C8orf34: variants seen among roughly 807,000 people sequenced by gnomAD.
C8orf34 encodes chromosome 8 open reading frame 34.
A neutral mutation model predicts 68.3 loss-of-function variants in C8orf34; 65 were observed. That is an observed-to-expected ratio of 0.95 (90% confidence interval 0.78 to 1.17). The LOEUF is 1.17. Among genes scored for constraint, C8orf34 ranks in the 50% most tolerant of loss-of-function variants. C8orf34 has a pLI of 0.00. For synonymous variants in C8orf34, 244 were observed against 241.2 expected (o/e 1.01, Z -0.11); for missense variants, 664 against 655.4 (o/e 1.01, Z -0.14).
chr8:68,487,779 G>A (rs953878626), intron 4 of C8orf34, among the ~76,000 whole-genome samples: 2 of 152,148 alleles, frequency 1.3e-5, no homozygotes, highest in Non-Finnish European at 2.9e-5. Flanking sequence ...GGAATATGGC[G>A]CTGCTTTGTT....
intron 10 of C8orf34, among the ~76,000 whole-genome samples, chr8:68,752,992 G>T (rs1449280706): frequency 6.6e-6 from 1 of 152,060 alleles, no homozygotes; most frequent in Non-Finnish European, 1.5e-5. Context: ...GAATCGTATG[G>T]TTCTAATTTC....
intron 1 of C8orf34, among the ~76,000 whole-genome samples, chr8:68,435,633 A>G (rs1810631576): frequency 6.6e-6 from 1 of 152,138 alleles, no homozygotes; most frequent in African/African-American, 2.4e-5. Context: ...AACTCCGAAG[A>G]TTAGTATTTT....
intron 3 of C8orf34, among the ~76,000 whole-genome samples, chr8:68,465,941 TA>T (rs1488357032): frequency 6.8e-6 from 1 of 147,780 alleles, no homozygotes; most frequent in Non-Finnish European, 1.5e-5. Flanking sequence ...CCCTAAAACT[TA>T]AAGTATAATA....
chr8:68,709,351 C>T (rs1301436320), intron 9 of C8orf34, among the ~76,000 whole-genome samples: 5 of 152,086 alleles, frequency 3.3e-5, no homozygotes, highest in Non-Finnish European at 1.5e-5. Context: ...TTGGCTACTC[C>T]CTAAACTATG....
intron 3 of C8orf34, among the ~76,000 whole-genome samples, chr8:68,459,902 C>T (rs992999224): frequency 5.3e-5 from 8 of 152,092 alleles, no homozygotes; most frequent in South Asian, 2.1e-4. Flanking sequence ...TCAGAGGTAC[C>T]GGGTTCACCT....
At chr8:68,659,739 C>T (rs763635121) in intron 8 of C8orf34, among the ~76,000 whole-genome samples, 32 of 152,072 alleles carry the variant, frequency 2.1e-4, no homozygotes, top group Non-Finnish European at 4.1e-4. Flanking sequence ...CAGTCCACTC[C>T]ATTAACTCTA....
intron 7 of C8orf34, among the ~76,000 whole-genome samples, chr8:68,555,942 G>T (rs1586368203): frequency 1.3e-5 from 2 of 152,120 alleles, no homozygotes; most frequent in African/African-American, 4.8e-5. Context: ...GGGCAACTTT[G>T]TTTGAGTTTC....
intron 8 of C8orf34, among the ~76,000 whole-genome samples, chr8:68,675,367 G>T (rs374931236): frequency 1.3e-5 from 2 of 152,030 alleles, no homozygotes; most frequent in East Asian, 3.9e-4. Flanking sequence ...AACTTTTCAA[G>T]ACAGACAGTA....
intron 11 of C8orf34, among the ~76,000 whole-genome samples, chr8:68,785,477 T>C (rs1823819419): frequency 6.6e-6 from 1 of 152,182 alleles, no homozygotes; most frequent in African/African-American, 2.4e-5. Flanking sequence ...CGTACTCCTA[T>C]GGAAAGCAAG....
chr8:68,692,629 C>T (rs1820718570), intron 8 of C8orf34, among the ~76,000 whole-genome samples: 1 of 152,014 alleles, frequency 6.6e-6, no homozygotes, highest in Admixed American at 6.6e-5. Flanking sequence ...GGTAAAGGCT[C>T]ATAAGTAAAA....
intron 7 of C8orf34, among the ~76,000 whole-genome samples, chr8:68,632,737 C>G (rs887186085): frequency 6.6e-5 from 10 of 152,144 alleles, no homozygotes; most frequent in African/African-American, 2.4e-4. Context: ...CCAGCTCCAG[C>G]CGTGGCTAAA....
intron 1 of C8orf34, among the ~76,000 whole-genome samples, chr8:68,367,931 A>AAAG (rs1807377357): frequency 1.4e-5 from 2 of 145,620 alleles, no homozygotes; most frequent in Non-Finnish European, 3.0e-5. Flanking sequence ...AAAAAAAAAA[A>AAAG]AAAAAAGAAA....
chr8:68,590,020 A>T (rs1817338178), intron 7 of C8orf34, among the ~76,000 whole-genome samples: 1 of 151,032 alleles, frequency 6.6e-6, no homozygotes, highest in Non-Finnish European at 1.5e-5. Context: ...AATTTTTAAA[A>T]AAGGATGAGG....
intron 1 of C8orf34, among the ~76,000 whole-genome samples, chr8:68,428,713 G>C (rs1348539222): frequency 6.6e-6 from 1 of 152,074 alleles, no homozygotes; most frequent in African/African-American, 2.4e-5. Flanking sequence ...TTGTATAGCT[G>C]TGGTCATGAA....
At chr8:68,806,322 A>C (rs1585911928) in intron 12 of C8orf34, among the ~76,000 whole-genome samples, 1 of 151,308 alleles carries the variant, frequency 6.6e-6, no homozygotes, top group East Asian at 1.9e-4. Context: ...CTGCCTAAAT[A>C]AAAAAAAAGA....
intron 8 of C8orf34, among the ~76,000 whole-genome samples, chr8:68,653,581 G>C (rs953298210): frequency 4.2e-4 from 64 of 152,282 alleles, no homozygotes; most frequent in Non-Finnish European, 6.9e-4. Context: ...TGGGGTGCCA[G>C]CATGGCTCTG....
intron 7 of C8orf34, among the ~76,000 whole-genome samples, chr8:68,621,208 A>G (rs1818379898): frequency 1.3e-5 from 2 of 152,140 alleles, no homozygotes. Context: ...GACAGTGGGG[A>G]CAAAGTGGGG....
intron 7 of C8orf34, among the ~76,000 whole-genome samples, chr8:68,613,573 A>G (rs1818094700): frequency 6.6e-6 from 1 of 151,750 alleles, no homozygotes; most frequent in Non-Finnish European, 1.5e-5. Context: ...GTTTACTGAG[A>G]ATGATGATTT....
chr8:68,716,269 T>C (rs1563626794), intron 9 of C8orf34, among the ~76,000 whole-genome samples: 1 of 151,966 alleles, frequency 6.6e-6, no homozygotes, highest in Non-Finnish European at 1.5e-5. Flanking sequence ...TTAAATAACT[T>C]ATTCATGTAA....
Sources: allele counts gnomAD v4.1 joint callset (sites outside exome capture counted in the v4.1 genomes callset), GRCh38; gene constraint gnomAD v4.1.1; transcripts MANE v1.5; gene names NCBI Gene and HGNC (gene_info 2026-07-23, HGNC 2026-07-21).